The following CORO2B variants were observed in gnomAD, a reference collection of about 807,000 sequenced individuals.
The protein encoded by CORO2B is coronin-2B.
Under a neutral mutation model 58.8 loss-of-function variants are expected in CORO2B, and 26 were observed. That is an observed-to-expected ratio of 0.44 (90% CI 0.32 to 0.61). The LOEUF is 0.61. CORO2B is among the 20% of genes least tolerant of loss of function. CORO2B has a pLI of 0.04. For synonymous variants in CORO2B, 242 were observed against 253.8 expected, an observed-to-expected ratio of 0.95 and a Z score of 0.44; for missense variants, 460 against 645.1, an observed-to-expected ratio of 0.71 and a Z score of 3.11.
chr15:68,642,787 T>C (rs941122982), intron 1 of CORO2B, among the ~76,000 whole-genome samples: 2 of 152,144 alleles, frequency 1.3e-5, no homozygotes, highest in Admixed American at 6.5e-5. Flanking sequence ...CTGTGGACTA[T>C]GTAGATCAGA....
chr15:68,593,912 A>G (rs984556990), intron 1 of CORO2B, among the ~76,000 whole-genome samples: 2 of 152,086 alleles, frequency 1.3e-5, no homozygotes, highest in African/African-American at 4.8e-5. Flanking sequence ...GAAAAGGCAA[A>G]AGGACAAATG....
chr15:68,637,390 G>A (rs1014546939), intron 1 of CORO2B, among the ~76,000 whole-genome samples: 2 of 152,224 alleles, frequency 1.3e-5, no homozygotes, highest in Non-Finnish European at 2.9e-5. Flanking sequence ...CCGGGTGGAG[G>A]GGGAACAGAT....
At chr15:68,705,406 C>T (rs1892759168) in intron 3 of CORO2B, among the ~76,000 whole-genome samples, 2 of 141,980 alleles carry the variant, frequency 1.4e-5, no homozygotes, top group South Asian at 4.4e-4. Flanking sequence ...TCACTTCACC[C>T]TAGCCTGGGC....
At position 68,709,601 on chromosome 15, in the gene CORO2B, C is replaced by T. The variant is rs1239747432; in HGVS notation, c.334-1131C>T. On this transcript the variant is annotated intron_variant, in intron 3 of 11. Coordinates refer to ENST00000261861, the MANE Select transcript of CORO2B (RefSeq NM_006091.5). Reference sequence around the variant, plus strand: ...CCTCCCGAGTAGCTGGGACTATAAGCGTGCGCCACTACACCCGGCTAATTT... The same window carrying T: ...CCTCCCGAGTAGCTGGGACTATAAGTGTGCGCCACTACACCCGGCTAATTT... 1.1e-4 allele frequency among the ~76,000 whole-genome samples: 17 copies of T among 151,820 alleles called. No individual in the cohort carries two copies. In the South Asian group the frequency reaches 1.7e-3, roughly 15 times the overall value.
intron 3 of CORO2B, among the ~76,000 whole-genome samples, chr15:68,704,454 G>C (rs1432953428): frequency 6.6e-6 from 1 of 152,094 alleles, no homozygotes; most frequent in Non-Finnish European, 1.5e-5. Context: ...GATGTTCGGA[G>C]AGGCTAAGAA....
the CORO2B span, among the ~76,000 whole-genome samples, chr15:68,536,751 G>C: frequency 6.6e-6 from 1 of 152,222 alleles, no homozygotes; most frequent in Non-Finnish European, 1.5e-5. Flanking sequence ...ATTCTGTCTT[G>C]CAGCTAAGTT....
chr15:68,605,743 G>A (rs1041780942), intron 1 of CORO2B, among the ~76,000 whole-genome samples: 2 of 94,034 alleles, frequency 2.1e-5, no homozygotes, highest in South Asian at 3.9e-4. Flanking sequence ...TTTTTTTTGA[G>A]ATGGAGTCTC....
chr15:68,538,801 C>T, the CORO2B span, among the ~76,000 whole-genome samples: 1 of 152,316 alleles, frequency 6.6e-6, no homozygotes, highest in Admixed American at 6.5e-5. Context: ...ATTAGGACTT[C>T]TCACATTCTA....
At chr15:68,603,736 G>C (rs188024197) in intron 1 of CORO2B, among the ~76,000 whole-genome samples, 32 of 152,268 alleles carry the variant, frequency 2.1e-4, no homozygotes, top group Admixed American at 1.4e-3. Flanking sequence ...ACCAGGAAGA[G>C]AGGCCTCACC....
chr15:68,576,170 A>AAG (rs1555409376), upstream of CORO2B, among the ~76,000 whole-genome samples: 1 of 137,086 alleles, frequency 7.3e-6, no homozygotes, highest in Non-Finnish European at 1.5e-5. Flanking sequence ...AAAAAAAAAA[A>AAG]AAAAAAGAAA....
At chr15:68,536,897 G>C in the CORO2B span, among the ~76,000 whole-genome samples, 1 of 152,186 alleles carries the variant, frequency 6.6e-6, no homozygotes, top group Admixed American at 6.5e-5. Context: ...ATGTTGGCCT[G>C]CTTCCTGCAG....
At chr15:68,674,017 C>A (rs1236204895) in intron 2 of CORO2B, among the ~76,000 whole-genome samples, 2 of 152,106 alleles carry the variant, frequency 1.3e-5, no homozygotes, top group African/African-American at 4.8e-5. Flanking sequence ...GGCGGATTTT[C>A]ATCTCATTAT....
At chr15:68,546,351 T>C in the CORO2B span, among the ~76,000 whole-genome samples, 169 of 152,234 alleles carry the variant, frequency 1.1e-3, no homozygotes, top group Admixed American at 2.0e-3. Flanking sequence ...ATGCATCAAT[T>C]TGGGATGTGT....
At chr15:68,607,412 A>G (rs1395439708) in intron 1 of CORO2B, among the ~76,000 whole-genome samples, 1 of 152,206 alleles carries the variant, frequency 6.6e-6, no homozygotes, top group Non-Finnish European at 1.5e-5. Context: ...CCAACAAACA[A>G]GGAAGAATGT....
the CORO2B span, among the ~76,000 whole-genome samples, chr15:68,569,978 A>G: frequency 1.4e-4 from 21 of 152,306 alleles, no homozygotes; most frequent in Middle Eastern, 3.4e-3. Flanking sequence ...GTCATTGGTC[A>G]GTGGGGTCTG....
chr15:68,550,844 G>A, the CORO2B span, among the ~76,000 whole-genome samples: 9 of 152,192 alleles, frequency 5.9e-5, no homozygotes, highest in Admixed American at 6.5e-5. Flanking sequence ...AGACTAAAAT[G>A]GCTGTACTGT....
At chr15:68,673,709 C>T (rs1443490641) in intron 2 of CORO2B, among the ~76,000 whole-genome samples, 1 of 151,720 alleles carries the variant, frequency 6.6e-6, no homozygotes, top group Non-Finnish European at 1.5e-5. Context: ...TGGTGGCATG[C>T]GCCTGTAATC....
At chr15:68,715,865 C>A (rs1298658377) in intron 8 of CORO2B, among the ~76,000 whole-genome samples, 1 of 152,198 alleles carries the variant, frequency 6.6e-6, no homozygotes, top group Non-Finnish European at 1.5e-5. Flanking sequence ...GTCTTACAAC[C>A]AATTTTCCTT....
At chr15:68,553,817 G>C in the CORO2B span, among the ~76,000 whole-genome samples, 2 of 152,246 alleles carry the variant, frequency 1.3e-5, no homozygotes, top group Non-Finnish European at 2.9e-5. Flanking sequence ...CAGAGAAGAG[G>C]AAGGAGGCGA....
Sources: gnomAD v4.1 joint callset for allele counts (sites outside exome capture counted in the v4.1 genomes callset) on GRCh38, gnomAD v4.1.1 for gene constraint, MANE v1.5 for transcripts, NCBI Gene and HGNC (gene_info 2026-07-23, HGNC 2026-07-21) for gene names.